The following APBA1 variants were observed in gnomAD, a reference collection of about 807,000 sequenced individuals.
The protein encoded by APBA1 is amyloid beta precursor protein binding family A member 1.
In APBA1, 55 loss-of-function variants were observed where a neutral mutation model predicts 86.6. The ratio of observed to expected loss-of-function variants is 0.64; its 90% CI spans 0.51 to 0.80. APBA1 has a LOEUF of 0.80. APBA1 is among the 30% of genes least tolerant of loss of function. APBA1 has a pLI of 0.00. For synonymous variants in APBA1, 511 were observed against 493.9 expected (o/e 1.03, Z -0.46); for missense variants, 1,090 against 1,183.0 (o/e 0.92, Z 1.15).
At chr9:69,607,029 A>T (rs1822490221) in intron 1 of APBA1, among the ~76,000 whole-genome samples, 1 of 152,140 alleles carries the variant, frequency 6.6e-6, no homozygotes, top group Non-Finnish European at 1.5e-5. Flanking sequence ...AACCCCCATA[A>T]TTCTGGCCAG....
At chr9:69,649,802 TC>T (rs1046160408) in intron 1 of APBA1, among the ~76,000 whole-genome samples, 1 of 151,780 alleles carries the variant, frequency 6.6e-6, no homozygotes, top group African/African-American at 2.4e-5. Flanking sequence ...ATAACTCATC[TC>T]TCCCCTTAAC....
At chr9:69,520,271 A>C (rs899909406) in intron 1 of APBA1, among the ~76,000 whole-genome samples, 1 of 152,228 alleles carries the variant, frequency 6.6e-6, no homozygotes, top group Non-Finnish European at 1.5e-5. Flanking sequence ...AGTGGTATTT[A>C]TAAAAAACAT....
intron 9 of APBA1, among the ~76,000 whole-genome samples, 166 bp downstream of exon 9, chr9:69,451,956 G>A (rs1369482522): frequency 6.6e-6 from 1 of 152,170 alleles, no homozygotes; most frequent in East Asian, 1.9e-4. Flanking sequence ...TCATGACAGG[G>A]CCCCACAGCA....
intron 1 of APBA1, among the ~76,000 whole-genome samples, chr9:69,606,738 C>G (rs11139488): frequency 0.31 from 47,379 of 151,652 alleles, 9,039 homozygotes; most frequent in East Asian, 0.65. Flanking sequence ...GTGATGCGCA[C>G]GCCTCGGCCT....
chr9:69,485,260 C>T (rs1446117020), intron 2 of APBA1, among the ~76,000 whole-genome samples: 3 of 152,182 alleles, frequency 2.0e-5, no homozygotes, highest in South Asian at 2.1e-4. Flanking sequence ...ACACCATTGC[C>T]TAAATGTCAA....
intron 1 of APBA1, among the ~76,000 whole-genome samples, chr9:69,616,132 G>A (rs897715368): frequency 2.6e-5 from 4 of 152,150 alleles, no homozygotes; most frequent in East Asian, 1.9e-4. Flanking sequence ...TTTAGTCCAC[G>A]CAGTGAGTGA....
intron 1 of APBA1, among the ~76,000 whole-genome samples, chr9:69,532,399 A>G (rs575518650): frequency 3.9e-5 from 6 of 152,290 alleles, no homozygotes; most frequent in South Asian, 2.1e-4. Context: ...CTAAGACCCA[A>G]TGAGTCCAAG....
At chr9:69,523,525 A>C (rs1171876248) in intron 1 of APBA1, among the ~76,000 whole-genome samples, 2 of 66,080 alleles carry the variant, frequency 3.0e-5, no homozygotes, top group South Asian at 1.0e-3. Flanking sequence ...ATATATATAT[A>C]TATATATAGA....
At chr9:69,523,497 G>GTATATA (rs869242999) in intron 1 of APBA1, among the ~76,000 whole-genome samples, 78 of 30,848 alleles carry the variant, frequency 2.5e-3, no homozygotes, top group South Asian at 4.7e-3. Context: ...ATATATATAT[G>GTATATA]TATATATATA....
intron 1 of APBA1, among the ~76,000 whole-genome samples, chr9:69,650,261 A>T (rs1323535041): frequency 6.6e-6 from 1 of 152,232 alleles, no homozygotes. Flanking sequence ...TGTTGTGAGG[A>T]TTAAATGAGT....
chr9:69,538,747 C>CTTAG (rs1322187497), intron 1 of APBA1, among the ~76,000 whole-genome samples: 1 of 152,206 alleles, frequency 6.6e-6, no homozygotes, highest in Admixed American at 6.5e-5. Flanking sequence ...AAAGATTCTA[C>CTTAG]TTAGAGTCCT....
chr9:69,552,212 A>G (rs1367115314), intron 1 of APBA1, among the ~76,000 whole-genome samples: 1 of 152,224 alleles, frequency 6.6e-6, no homozygotes, highest in Non-Finnish European at 1.5e-5. Flanking sequence ...TGATAGCACC[A>G]GTGTTTGCCT....
intron 1 of APBA1, among the ~76,000 whole-genome samples, chr9:69,612,693 C>T (rs868150662): frequency 1.6e-4 from 25 of 151,522 alleles, no homozygotes; most frequent in African/African-American, 5.8e-4. Context: ...ATTATGTATA[C>T]AAAATGTACC....
intron 1 of APBA1, among the ~76,000 whole-genome samples, chr9:69,598,380 A>C (rs1306000511): frequency 1.3e-5 from 2 of 152,120 alleles, no homozygotes; most frequent in East Asian, 1.9e-4. Flanking sequence ...ACATGTATAC[A>C]TATGTAACTA....
intron 1 of APBA1, among the ~76,000 whole-genome samples, chr9:69,593,809 G>T (rs1822177654): frequency 6.6e-6 from 1 of 152,108 alleles, no homozygotes; most frequent in Non-Finnish European, 1.5e-5. Context: ...TTTCAAAAAG[G>T]AAACCTTTTA....
Position 69,441,115 on chromosome 9 carries a change from C to T in APBA1, c.2182G>A (p.Gly728Ser), listed in dbSNP as rs1834814520. The T allele has an allele frequency of 1.2e-6, 2 of 1,613,380 alleles. No individual in the cohort carries two copies. The highest frequency in any genetic ancestry group is 1.7e-6 in the Non-Finnish European group (2 of 1,179,832). ...PLSTCQSIIK[G>S]LKNQSRVKLN... is the part of the protein sequence containing the mutation. ...TTGACTCGGGACTGATTCTTTAAGC[C>T]CTTAAACATGAATAAAGTACAGTGG... Residue 728 changes from glycine (G) to serine (S), a missense_variant and splice_region_variant, in exon 11 of 13, where the codon GGC (glycine) becomes AGC (serine). This residue lies in a region of APBA1 where 119 missense variants were observed against 124.8 expected (regional missense o/e 0.95). Transcript: ENST00000265381.
chr9:69,652,761 C>T (rs191292577), intron 1 of APBA1, among the ~76,000 whole-genome samples: 6 of 152,214 alleles, frequency 3.9e-5, no homozygotes, highest in East Asian at 1.9e-4. Flanking sequence ...GAGGCCAAGG[C>T]GGGTGGATCA....
chr9:69,517,345 G>A lies in APBA1; in HGVS notation c.-69-66C>T, dbSNP rs1289074700. On this transcript the variant is annotated intron_variant, in intron 1 of 12. Coordinates refer to ENST00000265381, the MANE Select transcript of APBA1 (RefSeq NM_001163.4). ...ACAGTCGTTATGAGCTGAGTATTCA[G>A]ATAACCATAAAAACAACTGCTATTG... The A allele has an allele frequency of 3.0e-6, 4 of 1,325,194 alleles. No homozygotes were observed. The East Asian group carries it at 8.8e-5, about 29-fold the overall frequency. The allele number at this position is 1,325,194 out of a possible 1,614,324, so 82.1% of individuals were successfully genotyped here. A position where few individuals can be genotyped will look rare whatever the true frequency, so the allele number is the denominator to read the frequency against.
chr9:69,538,217 T>C (rs1588348991), intron 1 of APBA1, among the ~76,000 whole-genome samples: 1 of 152,356 alleles, frequency 6.6e-6, no homozygotes, highest in East Asian at 1.9e-4. Context: ...ATTTAAGCAA[T>C]TTGGGGAGTG....
Sources: gnomAD v4.1 joint callset for allele counts (sites outside exome capture counted in the v4.1 genomes callset) on GRCh38, gnomAD v4.1.1 for gene constraint, gnomAD v4.1.1 regional missense constraint, MANE v1.5 for transcripts, NCBI Gene and HGNC (gene_info 2026-07-23, HGNC 2026-07-21) for gene names.